The following CNNM2 variants were observed in gnomAD, a reference collection of about 807,000 sequenced individuals.
CNNM2 encodes the protein metal transporter CNNM2.
Under a neutral mutation model 66.9 loss-of-function variants are expected in CNNM2, and 12 were observed. That is an observed-to-expected ratio of 0.18 (90% CI 0.11 to 0.29). The LOEUF (loss-of-function observed/expected upper bound fraction) is 0.29. Among genes scored for constraint, CNNM2 ranks in the 10% least tolerant of loss-of-function variants. CNNM2 has a pLI of 1.00. For synonymous variants in CNNM2, 557 were observed against 501.8 expected, an observed-to-expected ratio of 1.11 and a Z score of -1.47; for missense variants, 705 against 1,167.7, an observed-to-expected ratio of 0.60 and a Z score of 5.77.
rs1355518240 is a variant in CNNM2 at position 103,082,368 on chromosome 10, C to G, written c.*5188C>G. ...CCTTTTTTGTTGGAGGCTCAGACTTCTAGAGCAGAGCAAAGTTGGGAAGAA... is the reference window on the plus strand; with the variant it reads ...CCTTTTTTGTTGGAGGCTCAGACTTGTAGAGCAGAGCAAAGTTGGGAAGAA... On this transcript the variant is annotated 3_prime_UTR_variant, in exon 8 of 8. Coordinates refer to ENST00000369878, the MANE Select transcript of CNNM2 (RefSeq NM_017649.5). 1 of 152,158 alleles carries G rather than the reference C, an allele frequency of 6.6e-6. No individual in the cohort carries two copies. The highest frequency in any genetic ancestry group is 6.6e-5 in the Admixed American group (1 of 15,266). 9.4% of individuals were successfully genotyped at this position (152,158 alleles called of 1,614,324 possible). A position where few individuals can be genotyped will look rare whatever the true frequency, so the allele number is the denominator to read the frequency against.
At chr10:103,072,471 C>T (rs1276716585) in intron 6 of CNNM2, among the ~76,000 whole-genome samples, 1 of 149,390 alleles carries the variant, frequency 6.7e-6, no homozygotes, top group Non-Finnish European at 1.5e-5. Context: ...AGGCAGGCGA[C>T]CCCGCTTCTC....
At chr10:103,064,770 T>C (rs1001856069) in intron 4 of CNNM2, among the ~76,000 whole-genome samples, 7 of 152,062 alleles carry the variant, frequency 4.6e-5, no homozygotes, top group African/African-American at 1.7e-4. Context: ...AGCTCAGGAG[T>C]TCAAGGCTGC....
intron 1 of CNNM2, among the ~76,000 whole-genome samples, chr10:102,986,667 C>CT (rs1381202791): frequency 6.6e-6 from 1 of 150,916 alleles, no homozygotes; most frequent in Non-Finnish European, 1.5e-5. Flanking sequence ...GTAGTCCCAG[C>CT]TACTTGGGAG....
intron 1 of CNNM2, among the ~76,000 whole-genome samples, chr10:102,945,941 C>T (rs966304756): frequency 6.6e-6 from 1 of 152,052 alleles, no homozygotes; most frequent in Non-Finnish European, 1.5e-5. Context: ...TGTAAAGCTA[C>T]TTCATCTCTG....
At chr10:102,939,961 C>T (rs928232447) in intron 1 of CNNM2, among the ~76,000 whole-genome samples, 7 of 150,286 alleles carry the variant, frequency 4.7e-5, no homozygotes, top group African/African-American at 1.7e-4. Context: ...GGGTGAGTCT[C>T]CATCTCAAAA....
At chr10:103,072,857 C>T (rs959985995) in intron 6 of CNNM2, among the ~76,000 whole-genome samples, 1 of 152,198 alleles carries the variant, frequency 6.6e-6, no homozygotes, top group Non-Finnish European at 1.5e-5. Flanking sequence ...AATCCTTGTC[C>T]GTCTCACCAA....
At position 103,049,912 on chromosome 10, in the gene CNNM2, G is replaced by A; in HGVS notation, c.1765+62G>A. On this transcript the variant is annotated intron_variant, in intron 2 of 7. Transcript: ENST00000369878. ...TTGCTTTTTTTGTTGTGCTGTTTGT[G>A]AGTCTTCTGACGTTTCTCCAGTTGC... 5 of 1,545,618 alleles carry A rather than the reference G, an allele frequency of 3.2e-6. No individual in the cohort carries two copies. The South Asian group carries it at 4.6e-5, about 14-fold the overall frequency.
chr10:102,920,153 C>T, intron 1 of CNNM2, 52 bp downstream of exon 1: 4 of 1,613,728 alleles, frequency 2.5e-6, no homozygotes, highest in East Asian at 2.2e-5. Flanking sequence ...CTCCATCCTC[C>T]TCCCTACTTG....
At chr10:102,989,298 A>G (rs2063853065) in intron 1 of CNNM2, among the ~76,000 whole-genome samples, 1 of 152,208 alleles carries the variant, frequency 6.6e-6, no homozygotes. Context: ...TAACTAGTCA[A>G]GGTTAAATTA....
chr10:103,068,111 C>G (rs1159651062), intron 4 of CNNM2, among the ~76,000 whole-genome samples: 1 of 152,200 alleles, frequency 6.6e-6, no homozygotes, highest in East Asian at 1.9e-4. Context: ...GTGCTGGTCC[C>G]ACTGATGGAG....
chr10:102,949,805 A>AC (rs1846761569), intron 1 of CNNM2, among the ~76,000 whole-genome samples: 1 of 151,976 alleles, frequency 6.6e-6, no homozygotes, highest in South Asian at 2.1e-4. Flanking sequence ...AATAATAATA[A>AC]CAATAATAAT....
At chr10:102,952,130 G>A (rs1846861015) in intron 1 of CNNM2, among the ~76,000 whole-genome samples, 1 of 151,768 alleles carries the variant, frequency 6.6e-6, no homozygotes, top group Non-Finnish European at 1.5e-5. Flanking sequence ...GGGAGAGTCA[G>A]AGTCTTTGCT....
intron 1 of CNNM2, among the ~76,000 whole-genome samples, chr10:102,955,825 A>G (rs1847013325): frequency 6.6e-6 from 1 of 152,266 alleles, no homozygotes; most frequent in Non-Finnish European, 1.5e-5. Flanking sequence ...CCACAATGAG[A>G]TACCATCTCA....
intron 1 of CNNM2, among the ~76,000 whole-genome samples, chr10:102,951,763 T>C: frequency 6.6e-6 from 1 of 151,480 alleles, no homozygotes; most frequent in Non-Finnish European, 1.5e-5. Flanking sequence ...CTCAGCCTCT[T>C]GAGTAGCTGG....
intron 6 of CNNM2, among the ~76,000 whole-genome samples, chr10:103,075,580 A>G (rs2065676001): frequency 6.6e-6 from 1 of 152,190 alleles, no homozygotes; most frequent in Non-Finnish European, 1.5e-5. Flanking sequence ...AGACGAAGAT[A>G]ATAGGTTCAG....
intron 1 of CNNM2, among the ~76,000 whole-genome samples, chr10:103,018,975 A>C (rs1485984841): frequency 1.3e-5 from 2 of 148,422 alleles, no homozygotes; most frequent in African/African-American, 4.9e-5. Context: ...CTTTCTTAAA[A>C]GGATATTTAC....
At chr10:103,047,964 C>T (rs900207809) in intron 1 of CNNM2, among the ~76,000 whole-genome samples, 1 of 152,092 alleles carries the variant, frequency 6.6e-6, no homozygotes, top group Non-Finnish European at 1.5e-5. Flanking sequence ...ACTTGTTGCC[C>T]AGGCTGGAGT....
At chr10:102,975,469 G>GGA (rs367968543) in intron 1 of CNNM2, among the ~76,000 whole-genome samples, 4 of 119,298 alleles carry the variant, frequency 3.4e-5, no homozygotes, top group Admixed American at 2.7e-4. Flanking sequence ...GATGGAATTA[G>GGA]AAAAAAAAAA....
At chr10:103,072,384 C>T (rs999022001) in intron 6 of CNNM2, among the ~76,000 whole-genome samples, 2 of 152,220 alleles carry the variant, frequency 1.3e-5, no homozygotes, top group East Asian at 1.9e-4. Flanking sequence ...GGAGCGCGAG[C>T]GCCTCTGCTG....
Sources: gnomAD v4.1 joint callset for allele counts (sites outside exome capture counted in the v4.1 genomes callset) on GRCh38, gnomAD v4.1.1 for gene constraint, MANE v1.5 for transcripts, NCBI Gene and HGNC (gene_info 2026-07-23, HGNC 2026-07-21) for gene names.